Variants in IGSF9B observed in about 807,000 individuals in gnomAD.
The protein encoded by IGSF9B is protein turtle homolog B.
A neutral mutation model predicts 143.7 loss-of-function variants in IGSF9B; 48 were observed. That is an observed-to-expected ratio of 0.33 (90% CI 0.26 to 0.42). The LOEUF is 0.42. Ranked by LOEUF, IGSF9B falls within the 20% of genes least tolerant of loss-of-function variation. The pLI is 1.00. For synonymous variants in IGSF9B, 903 were observed against 833.1 expected, an observed-to-expected ratio of 1.08 and a Z score of -1.44; for missense variants, 1,706 against 1,980.0, an observed-to-expected ratio of 0.86 and a Z score of 2.63.
chr11:133,917,704 G>A lies in IGSF9B; in HGVS notation c.3983+2038C>T, dbSNP rs376609838. 1.4e-4 allele frequency among the ~76,000 whole-genome samples: 21 copies of A among 152,270 alleles called. No homozygotes were observed. The East Asian group carries it at 3.7e-3, about 27-fold the overall frequency. ...AGAGGACCCCACTGTCAAGGAAGAA[G>A]TGGGGCTCATCCCAACCTTGTACTC... is the stretch of plus-strand genomic sequence containing the variant. On this transcript the variant is annotated intron_variant, in intron 18 of 19. Transcript: ENST00000533871.
intron 1 of IGSF9B, 37 bp from the exon 2 acceptor site, chr11:133,946,295 T>C (rs754202351): frequency 3.8e-6 from 6 of 1,577,732 alleles, no homozygotes; most frequent in Non-Finnish European, 5.2e-6. Flanking sequence ...AGAAAGGAGG[T>C]GACAAAGAGA....
At position 133,905,066 on chromosome 11, in the gene IGSF9B, T is replaced by C. The variant is rs1227558438; in HGVS notation, c.*4003A>G. Among the ~76,000 whole-genome samples, 1 of 151,368 alleles carries C rather than the reference T, an allele frequency of 6.6e-6. No individual in the cohort carries two copies. The highest frequency in any genetic ancestry group is 2.4e-5 in the African/African-American group (1 of 41,136). On this transcript the variant is annotated 3_prime_UTR_variant, in exon 20 of 20. Transcript: ENST00000533871. This position sits in a 1 kb window ranked among gnomAD's most constrained non-coding sequence, Gnocchi z 4.0. ...AGGCTGGACTCAACAGAGCCTTCCATGACCCGCTCAGCTCCACCCTCTGCC... is the reference window on the plus strand; with the variant it reads ...AGGCTGGACTCAACAGAGCCTTCCACGACCCGCTCAGCTCCACCCTCTGCC...
intron 18 of IGSF9B, among the ~76,000 whole-genome samples, chr11:133,914,355 G>A (rs139076664): frequency 1.8e-3 from 268 of 152,180 alleles, no homozygotes; most frequent in Admixed American, 3.3e-3. Flanking sequence ...ATCCACAAAG[G>A]TATAGCAGCT....
chr11:133,907,936 C>T lies in IGSF9B; in HGVS notation c.*1133G>A, dbSNP rs563043402. Reference sequence around the variant, plus strand: ...AGTGCGGGAAAGCCACAGGCGGCTCCGCACAAGTGGTAATTAATCAATCTG... The same window carrying T: ...AGTGCGGGAAAGCCACAGGCGGCTCTGCACAAGTGGTAATTAATCAATCTG... On this transcript the variant is annotated 3_prime_UTR_variant, in exon 20 of 20. Transcript: ENST00000533871. Among the ~76,000 whole-genome samples the T allele has an allele frequency of 6.6e-6, 1 of 152,326 alleles. No individual in the cohort carries two copies. The highest frequency in any genetic ancestry group is 1.5e-5 in the Non-Finnish European group (1 of 68,036).
intron 1 of IGSF9B, among the ~76,000 whole-genome samples, chr11:133,954,849 C>G (rs1940221145): frequency 6.6e-6 from 1 of 152,190 alleles, no homozygotes; most frequent in African/African-American, 2.4e-5. Context: ...CCATTCCAGA[C>G]AGAAGGACCC....
intron 18 of IGSF9B, among the ~76,000 whole-genome samples, chr11:133,912,691 A>G (rs1324225504): frequency 2.6e-5 from 4 of 152,218 alleles, no homozygotes; most frequent in African/African-American, 7.2e-5. Context: ...GTGGCAGGAG[A>G]TAACAGCAGA....
intron 1 of IGSF9B, among the ~76,000 whole-genome samples, chr11:133,949,596 G>A (rs1158001757): frequency 6.6e-6 from 1 of 152,172 alleles, no homozygotes; most frequent in African/African-American, 2.4e-5. Context: ...GAGGGGCCAG[G>A]TGTGGAGCCC....
At chr11:133,921,715 C>T (rs547630105) in intron 17 of IGSF9B, among the ~76,000 whole-genome samples, 8 of 152,046 alleles carry the variant, frequency 5.3e-5, no homozygotes, top group Admixed American at 1.3e-4. Flanking sequence ...CCCCATCATC[C>T]GTCTTTCCAG....
At chr11:133,946,279 G>A in intron 1 of IGSF9B, 21 bp from the exon 2 acceptor site, 3 of 1,607,230 alleles carry the variant, frequency 1.9e-6, no homozygotes, top group Non-Finnish European at 2.6e-6. Context: ...CGGCCAGGTT[G>A]GACACAGAAA....
chr11:133,956,177 C>A (rs1940248923), intron 1 of IGSF9B, among the ~76,000 whole-genome samples: 1 of 152,094 alleles, frequency 6.6e-6, no homozygotes. Context: ...GCGATGGACG[C>A]CCGCAGGGCC....
chr11:133,940,530 AAC>A (rs1278817480), intron 3 of IGSF9B, among the ~76,000 whole-genome samples: 45 of 132,372 alleles, frequency 3.4e-4, no homozygotes, highest in African/African-American at 8.5e-4. Context: ...CACATGCAAA[AAC>A]ACACACCTCG....
At chr11:133,929,865 G>A (rs1306059435) in intron 11 of IGSF9B, 83 bp from the exon 12 acceptor site, 1 of 896,048 alleles carries the variant, frequency 1.1e-6, no homozygotes, top group Non-Finnish European at 1.8e-6. Flanking sequence ...TGGGGAACCT[G>A]AGAGGCTGAA....
intron 5 of IGSF9B, among the ~76,000 whole-genome samples, chr11:133,936,519 C>G (rs569702741): frequency 1.3e-5 from 2 of 152,322 alleles, no homozygotes; most frequent in East Asian, 1.9e-4. Flanking sequence ...CTCAAGGAGT[C>G]AGGGCCGTGG....
chr11:133,950,727 G>A (rs941772641), intron 1 of IGSF9B, among the ~76,000 whole-genome samples: 2 of 152,216 alleles, frequency 1.3e-5, no homozygotes, highest in Non-Finnish European at 2.9e-5. Flanking sequence ...GCGGCCGGGT[G>A]GGCTCTGACC....
chr11:133,951,737 G>A (rs924021850), intron 1 of IGSF9B, among the ~76,000 whole-genome samples: 1 of 152,154 alleles, frequency 6.6e-6, no homozygotes, highest in Non-Finnish European at 1.5e-5. Flanking sequence ...ACAGGGCCCA[G>A]GTGCACGCGC....
chr11:133,912,222 G>T, intron 18 of IGSF9B: 1 of 687,196 alleles, frequency 1.5e-6, no homozygotes, highest in Non-Finnish European at 2.6e-6. Context: ...GGCCCACCTC[G>T]GATGGAAACC....
At position 133,925,608 on chromosome 11, in the gene IGSF9B, A is replaced by C. The variant is rs937351609; in HGVS notation, c.2034+131T>G. 4 of 683,190 alleles carry C rather than the reference A, an allele frequency of 5.9e-6. No homozygotes were observed. In the Admixed American group the frequency reaches 8.7e-5, roughly 15 times the overall value. The allele number at this position is 683,190 out of a possible 1,614,324, so 42.3% of individuals were successfully genotyped here. A position where few individuals can be genotyped will look rare whatever the true frequency, so the allele number is the denominator to read the frequency against. On this transcript the variant is annotated intron_variant, in intron 14 of 19. Transcript: ENST00000533871. ...AGCGAGTCTGGGAGAATCCAGGACC[A>C]GTGGTGAGGAGGTACAGGATGTGGC...
Position 133,930,984 on chromosome 11 carries a change from C to G in IGSF9B, c.1519G>C (p.Gly507Arg), listed in dbSNP as rs754212212. 6.2e-7 allele frequency: 1 copy of G among 1,609,132 alleles called. No individual in the cohort carries two copies. Among genetic ancestry groups the G allele is most frequent in the Non-Finnish European group, 8.5e-7 (1 of 1,177,418 alleles). The change falls in exon 11 of 20, where the codon GGC (glycine) becomes CGC (arginine). Residue 507 changes from glycine (G) to arginine (R), a missense_variant and splice_region_variant. Coordinates refer to ENST00000533871, the MANE Select transcript of IGSF9B (RefSeq NM_001277285.4). ...ITASTHLTVIGTSPHAPGSVR... is the reference protein window; with the variant it reads ...ITASTHLTVIRTSPHAPGSVR... ...CGGCCCAGCCTTGCCGGCCACGTAC[C>G]GATGACGGTGAGGTGGGTGCTGGCA... is the stretch of plus-strand genomic sequence containing the variant.
Position 133,909,334 on chromosome 11 carries a change from G to A in IGSF9B, c.4106-57C>T, listed in dbSNP as rs1285186272. 6.8e-6 allele frequency: 9 copies of A among 1,332,550 alleles called. No individual in the cohort carries two copies. Among genetic ancestry groups the A allele is most frequent in the Admixed American group, 4.0e-5 (2 of 50,574 alleles). 82.5% of individuals were successfully genotyped at this position (1,332,550 alleles called of 1,614,324 possible). Reference sequence around the variant, plus strand: ...AAGCAAGCGGATGAAAAGGAAGCACGCAGCCTGCTCACCTTTTCCACCTGC... The same window carrying A: ...AAGCAAGCGGATGAAAAGGAAGCACACAGCCTGCTCACCTTTTCCACCTGC... On this transcript the variant is annotated intron_variant, in intron 19 of 19. Coordinates refer to ENST00000533871, the MANE Select transcript of IGSF9B (RefSeq NM_001277285.4). The surrounding 1 kb of genome is among the most constrained non-coding windows in gnomAD (Gnocchi z 4.2).
Sources: gnomAD v4.1 joint callset for allele counts (sites outside exome capture counted in the v4.1 genomes callset) on GRCh38, gnomAD v4.1.1 for gene constraint, Gnocchi (gnomAD v3.1) non-coding constraint, MANE v1.5 for transcripts, NCBI Gene and HGNC (gene_info 2026-07-23, HGNC 2026-07-21) for gene names.